Variants in FRMD4A observed in about 807,000 individuals in gnomAD.
FRMD4A encodes FERM domain-containing protein 4A.
Under a neutral mutation model 129.1 loss-of-function variants are expected in FRMD4A, and 29 were observed. That is an observed-to-expected ratio of 0.22 (90% confidence interval 0.17 to 0.31). The LOEUF (loss-of-function observed/expected upper bound fraction) is 0.31. FRMD4A is among the 10% of genes least tolerant of loss of function. FRMD4A has a pLI of 1.00. For missense variants in FRMD4A, 1,272 were observed against 1,375.8 expected (o/e 0.92, Z 1.19); for synonymous variants, 634 against 571.6 (o/e 1.11, Z -1.56).
intron 2 of FRMD4A, among the ~76,000 whole-genome samples, chr10:14,105,597 C>T (rs189087607): frequency 1.3e-5 from 2 of 152,202 alleles, no homozygotes; most frequent in East Asian, 3.9e-4. Context: ...CATTCTTATA[C>T]AATAATTTCT....
At chr10:14,319,875 C>A (rs1846907445) in intron 2 of FRMD4A, among the ~76,000 whole-genome samples, 1 of 152,120 alleles carries the variant, frequency 6.6e-6, no homozygotes, top group African/African-American at 2.4e-5. Context: ...CAATAGAAAG[C>A]TATTCTTATT....
At chr10:13,828,314 CT>C (rs1204174510) in intron 3 of FRMD4A, among the ~76,000 whole-genome samples, 1 of 152,184 alleles carries the variant, frequency 6.6e-6, no homozygotes, top group Non-Finnish European at 1.5e-5. Context: ...CCCTCACCCC[CT>C]CCCACACTTT....
chr10:14,317,293 C>T (rs144435418), intron 2 of FRMD4A, among the ~76,000 whole-genome samples: 131 of 152,234 alleles, frequency 8.6e-4, no homozygotes, highest in African/African-American at 3.0e-3. Context: ...TTCCTCATAC[C>T]CAAATGTCAC....
chr10:13,794,391 CA>C (rs5783349), intron 5 of FRMD4A, among the ~76,000 whole-genome samples: 25,665 of 102,036 alleles, frequency 0.25, 1,921 homozygotes, highest in East Asian at 0.39. Flanking sequence ...GAATCCGTCT[CA>C]AAAAAAAAAA....
In FRMD4A at chr10:14,184,298, A is replaced by ATTTTTTTTTTTTTTTTTTTTTTTT. The variant is rs60196881; in HGVS notation, c.45+145759_45+145760insAAAAAAAAAAAAAAAAAAAAAAAA. Among the ~76,000 whole-genome samples the ATTTTTTTTTTTTTTTTTTTTTTTT allele has an allele frequency of 4.0e-4, 42 of 104,884 alleles. 1 individual carries two copies. Among genetic ancestry groups the ATTTTTTTTTTTTTTTTTTTTTTTT allele is most frequent in the Non-Finnish European group, 5.7e-4 (29 of 51,160 alleles). The allele number at this position is 104,884 out of a possible 152,430, so 68.8% of individuals were successfully genotyped here. A position where few individuals can be genotyped will look rare whatever the true frequency, so the allele number is the denominator to read the frequency against. ...AGGTGCATACCACCACAACCGGTTA[A>ATTTTTTTTTTTTTTTTTTTTTTTT]TTTTTTTTTTTTTTTTAGTAGAGAT... On this transcript the variant is annotated intron_variant, in intron 2 of 24. Transcript: ENST00000357447.
At chr10:13,824,809 C>T (rs529351049) in intron 3 of FRMD4A, among the ~76,000 whole-genome samples, 2 of 149,064 alleles carry the variant, frequency 1.3e-5, no homozygotes, top group East Asian at 2.0e-4. Flanking sequence ...GCAGGAGAAT[C>T]GCTTGAACCC....
chr10:14,094,786 C>A (rs768059248), intron 2 of FRMD4A, among the ~76,000 whole-genome samples: 4 of 152,282 alleles, frequency 2.6e-5, no homozygotes, highest in Middle Eastern at 3.4e-3. Context: ...ACCTCTGCAG[C>A]CCCCCAGAAA....
intron 8 of FRMD4A, among the ~76,000 whole-genome samples, chr10:13,750,069 GAAGA>G (rs1185474605): frequency 0.019 from 1,084 of 55,644 alleles, 34 homozygotes; most frequent in South Asian, 0.052. Flanking sequence ...AGGAAGGAAG[GAAGA>G]AAGAAAGAAA....
At chr10:14,275,376 A>G (rs12243438) in intron 2 of FRMD4A, among the ~76,000 whole-genome samples, 40,559 of 152,186 alleles carry the variant, frequency 0.27, 5,510 homozygotes, top group Middle Eastern at 0.35. Context: ...AGATGGGCAA[A>G]ACACATCGGG....
chr10:13,698,814 C>G (rs1320817373), intron 14 of FRMD4A, among the ~76,000 whole-genome samples: 1 of 152,224 alleles, frequency 6.6e-6, no homozygotes, highest in Non-Finnish European at 1.5e-5. Flanking sequence ...TTGTGATCCT[C>G]ACCTGTCACT....
At chr10:13,939,703 A>G (rs2095276201) in intron 2 of FRMD4A, among the ~76,000 whole-genome samples, 1 of 152,220 alleles carries the variant, frequency 6.6e-6, no homozygotes, top group Non-Finnish European at 1.5e-5. Flanking sequence ...AACAACAAGA[A>G]TAATCAGTAC....
rs12244904 is a variant in FRMD4A at position 13,660,233 on chromosome 10, G to A, written c.1898+83C>T. Reference sequence around the variant, plus strand: ...CTAGGTTGATGTGGATTTTGTCACCGTGGATGCTACTTGGGACGGCCCTTT... The same window carrying A: ...CTAGGTTGATGTGGATTTTGTCACCATGGATGCTACTTGGGACGGCCCTTT... On this transcript the variant is annotated intron_variant, in intron 20 of 24. Coordinates refer to ENST00000357447, the MANE Select transcript of FRMD4A (RefSeq NM_018027.5). 5.4e-4 allele frequency: 474 copies of A among 882,038 alleles called. 1 individual carries two copies. In the African/African-American group the frequency reaches 7.1e-3, roughly 13 times the overall value. The allele number at this position is 882,038 out of a possible 1,614,324, so 54.6% of individuals were successfully genotyped here. A position where few individuals can be genotyped will look rare whatever the true frequency, so the allele number is the denominator to read the frequency against.
intron 2 of FRMD4A, among the ~76,000 whole-genome samples, chr10:14,037,748 A>G (rs1833568457): frequency 6.6e-6 from 1 of 152,060 alleles, no homozygotes; most frequent in African/African-American, 2.4e-5. Context: ...GACTCCCTCC[A>G]CTCTTATGTT....
At chr10:13,781,536 T>C (rs1010972693) in intron 6 of FRMD4A, among the ~76,000 whole-genome samples, 8 of 151,528 alleles carry the variant, frequency 5.3e-5, no homozygotes, top group Non-Finnish European at 8.8e-5. Flanking sequence ...AAACACCACA[T>C]CTGGCTAATT....
At chr10:14,132,745 G>A (rs909528247) in intron 2 of FRMD4A, among the ~76,000 whole-genome samples, 8 of 152,250 alleles carry the variant, frequency 5.3e-5, no homozygotes, top group Non-Finnish European at 1.2e-4. Context: ...CATGGCCACT[G>A]TGGGGCTCCC....
intron 12 of FRMD4A, among the ~76,000 whole-genome samples, chr10:13,709,879 C>T (rs1407895611): frequency 1.3e-5 from 2 of 151,360 alleles, no homozygotes; most frequent in South Asian, 2.1e-4. Context: ...TGTTGCTATA[C>T]GCTTTTTAAA....
chr10:13,987,195 C>T (rs559410092), intron 2 of FRMD4A, among the ~76,000 whole-genome samples: 11 of 152,038 alleles, frequency 7.2e-5, no homozygotes, highest in Non-Finnish European at 1.2e-4. Flanking sequence ...CACATGGCTT[C>T]GAAAGATCTG....
intron 2 of FRMD4A, among the ~76,000 whole-genome samples, chr10:13,951,925 AT>A (rs1198492051): frequency 2.6e-4 from 39 of 147,634 alleles, no homozygotes; most frequent in African/African-American, 6.4e-4. Flanking sequence ...AATAATAATA[AT>A]AATAAACAAT....
rs764906548 is a variant in FRMD4A, at chr10:13,939,130, T to C, written c.46-80218A>G. On this transcript the variant is annotated intron_variant, in intron 2 of 24. Transcript: ENST00000357447. ...GCAGCTACACGGTAAGGCAAGACCA[T>C]TGAAACAGCTGCAGGGAATTCAACG... 1.7e-4 allele frequency among the ~76,000 whole-genome samples: 26 copies of C among 152,306 alleles called. No individual in the cohort carries two copies. In the South Asian group the frequency reaches 2.7e-3, roughly 16 times the overall value.
Sources: gnomAD v4.1 joint callset for allele counts (sites outside exome capture counted in the v4.1 genomes callset) on GRCh38, gnomAD v4.1.1 for gene constraint, MANE v1.5 for transcripts, NCBI Gene and HGNC (gene_info 2026-07-23, HGNC 2026-07-21) for gene names.